The following RETREG1 variants were observed in gnomAD, a reference collection of about 807,000 sequenced individuals.
RETREG1 encodes family with sequence similarity 134 member B.
In RETREG1, 44 loss-of-function variants were observed where a neutral mutation model predicts 54.8. The observed-to-expected ratio is 0.80, with a 90% CI of 0.63 to 1.03. The LOEUF (loss-of-function observed/expected upper bound fraction) is 1.03, where lower values mean the gene tolerates loss of function less well. Among genes scored for constraint, RETREG1 ranks in the 50% least tolerant of loss-of-function variants. RETREG1 has a pLI of 0.00. For synonymous variants in RETREG1, 217 were observed against 238.5 expected, an observed-to-expected ratio of 0.91 and a Z score of 0.83; for missense variants, 554 against 605.1, an observed-to-expected ratio of 0.92 and a Z score of 0.89.
intron 1 of RETREG1, among the ~76,000 whole-genome samples, chr5:16,589,190 C>T (rs755110633): frequency 1.1e-4 from 17 of 152,180 alleles, no homozygotes; most frequent in Non-Finnish European, 2.1e-4. Context: ...TGGATGCGGA[C>T]TGTTGTCCCA....
intron 3 of RETREG1, among the ~76,000 whole-genome samples, chr5:16,556,197 C>T (rs866498164): frequency 6.6e-6 from 1 of 151,388 alleles, no homozygotes; most frequent in South Asian, 2.1e-4. Context: ...CTCGCTCTGT[C>T]GCCCAGGCTT....
At chr5:16,488,479 G>A (rs2126528952) in intron 3 of RETREG1, among the ~76,000 whole-genome samples, 2 of 152,278 alleles carry the variant, frequency 1.3e-5, no homozygotes, top group Non-Finnish European at 2.9e-5. Flanking sequence ...GAGTTTGCAG[G>A]ACCCAGTGCC....
At chr5:16,613,833 T>C (rs964904658) in intron 1 of RETREG1, among the ~76,000 whole-genome samples, 4 of 152,002 alleles carry the variant, frequency 2.6e-5, no homozygotes, top group African/African-American at 7.3e-5. Context: ...TTAAGATCAT[T>C]TGAGAAGAAA....
intron 3 of RETREG1, among the ~76,000 whole-genome samples, chr5:16,542,585 A>G (rs1040704219): frequency 2.6e-5 from 4 of 152,230 alleles, no homozygotes; most frequent in Non-Finnish European, 4.4e-5. Flanking sequence ...CTCATAATCC[A>G]GGTCTACACT....
In RETREG1 at chr5:16,478,921, AT is replaced by A; in HGVS notation, c.736del (p.Ile246LeufsTer6). 1.2e-6 allele frequency: 2 copies of A among 1,612,070 alleles called. No individual in the cohort carries two copies. Among genetic ancestry groups the A allele is most frequent in the Non-Finnish European group, 1.7e-6 (2 of 1,178,636 alleles). On this transcript the variant is annotated frameshift_variant, in exon 6 of 9. Coordinates refer to ENST00000306320, the MANE Select transcript of RETREG1 (RefSeq NM_001034850.3). LOFTEE classifies it high-confidence loss of function. ...NDIGQKIYSK[I>X]KSVLLKLDFG... ...ATCCAGTTTCAGCAGAACTGACTTA[AT>A]TTTGCTGTAAATTTTTTGTCCAATA...
chr5:16,593,379 C>A lies in RETREG1; in HGVS notation c.321-21277G>T, dbSNP rs1742826709. Among the ~76,000 whole-genome samples the A allele has an allele frequency of 6.6e-6, 1 of 152,184 alleles. No individual in the cohort carries two copies. Among genetic ancestry groups the A allele is most frequent in the Admixed American group, 6.5e-5 (1 of 15,288 alleles). ...CCATCTCTCCTGTTCACCACTGTCA[C>A]CCAAGCACTAGGTCTCTGCATGCCA... On this transcript the variant is annotated intron_variant, in intron 1 of 8. Transcript: ENST00000306320. The surrounding 1 kb of genome is among the most constrained non-coding windows in gnomAD (Gnocchi z 4.9).
intron 3 of RETREG1, among the ~76,000 whole-genome samples, chr5:16,514,794 A>T (rs975669709): frequency 6.6e-6 from 1 of 151,600 alleles, no homozygotes; most frequent in African/African-American, 2.4e-5. Context: ...TTAGTTTTCC[A>T]TTCCTGAGTT....
intron 3 of RETREG1, among the ~76,000 whole-genome samples, chr5:16,514,738 C>A (rs898807619): frequency 1.3e-5 from 2 of 151,742 alleles, no homozygotes; most frequent in Non-Finnish European, 2.9e-5. Flanking sequence ...TATGCCTCTG[C>A]GTCCTCATAG....
chr5:16,580,201 G>A (rs1037607813), intron 1 of RETREG1, among the ~76,000 whole-genome samples: 8 of 152,136 alleles, frequency 5.3e-5, no homozygotes, highest in South Asian at 2.1e-4. Context: ...CTATCTGGAC[G>A]TCATCAGTCC....
chr5:16,508,627 A>C, intron 3 of RETREG1: 1 of 1,614,178 alleles, frequency 6.2e-7, no homozygotes, highest in Non-Finnish European at 8.5e-7. Context: ...GCCCTTTAAA[A>C]ATAATAACAG....
intron 1 of RETREG1, among the ~76,000 whole-genome samples, chr5:16,582,916 G>A (rs538026048): frequency 1.6e-4 from 25 of 152,214 alleles, no homozygotes; most frequent in South Asian, 1.2e-3. Flanking sequence ...TGGATCACTC[G>A]GACCCCTGCC....
chr5:16,538,209 C>A (rs2126603320), intron 3 of RETREG1, among the ~76,000 whole-genome samples: 1 of 152,234 alleles, frequency 6.6e-6, no homozygotes, highest in African/African-American at 2.4e-5. Context: ...CTGGCTCCGA[C>A]TCTGAAGACC....
intron 2 of RETREG1, among the ~76,000 whole-genome samples, chr5:16,569,287 CTT>C (rs59365372): frequency 3.9e-4 from 55 of 140,754 alleles, no homozygotes; most frequent in African/African-American, 3.7e-4. Context: ...CCATTTCTTT[CTT>C]TTTTTTTTTT....
intron 3 of RETREG1, chr5:16,508,857 C>T: frequency 2.9e-6 from 4 of 1,389,730 alleles, no homozygotes; most frequent in South Asian, 1.6e-5. Flanking sequence ...ATTATCACTG[C>T]CCCCTTCTAA....
intron 1 of RETREG1, 96 bp downstream of exon 1, chr5:16,616,556 T>C: frequency 6.6e-7 from 1 of 1,509,242 alleles, no homozygotes; most frequent in East Asian, 2.5e-5. Flanking sequence ...TCCTCCGCAG[T>C]GTCCCGCGGG....
chr5:16,539,660 A>G (rs1261535749), intron 3 of RETREG1, among the ~76,000 whole-genome samples: 1 of 152,162 alleles, frequency 6.6e-6, no homozygotes, highest in Non-Finnish European at 1.5e-5. Context: ...AGGAAAGCCA[A>G]CTGTCCCGGT....
chr5:16,522,726 C>T (rs776247589), intron 3 of RETREG1, among the ~76,000 whole-genome samples: 2 of 152,102 alleles, frequency 1.3e-5, no homozygotes, highest in African/African-American at 2.4e-5. Context: ...ATATTGGGGC[C>T]GGGTGCAGTG....
chr5:16,558,695 A>T (rs10053746), intron 3 of RETREG1, among the ~76,000 whole-genome samples: 44,926 of 152,124 alleles, frequency 0.3, 6,774 homozygotes, highest in South Asian at 0.4. Context: ...TTTAAGACAC[A>T]TTAGAACAAA....
chr5:16,581,562 CACAA>C (rs779475353), intron 1 of RETREG1, among the ~76,000 whole-genome samples: 1 of 134,350 alleles, frequency 7.4e-6, no homozygotes, highest in African/African-American at 2.7e-5. Flanking sequence ...CACACACACA[CACAA>C]AACACACACA....
Sources: gnomAD v4.1 joint callset for allele counts (sites outside exome capture counted in the v4.1 genomes callset) on GRCh38, gnomAD v4.1.1 for gene constraint, Gnocchi (gnomAD v3.1) non-coding constraint, MANE v1.5 for transcripts, NCBI Gene and HGNC (gene_info 2026-07-23, HGNC 2026-07-21) for gene names.